The following NIPBL variants were observed in gnomAD, a reference collection of about 807,000 sequenced individuals.
NIPBL encodes nipped-B-like protein.
A neutral mutation model predicts 321.8 loss-of-function variants in NIPBL; 19 were observed. The observed-to-expected ratio is 0.06, with a 90% CI of 0.04 to 0.09. The LOEUF (loss-of-function observed/expected upper bound fraction) is 0.09, where lower values mean the gene tolerates loss of function less well. Ranked by LOEUF, NIPBL falls within the 10% of genes least tolerant of loss-of-function variation. The probability of loss-of-function intolerance (pLI) is 1.00; values close to 1 mark genes in which losing one functional copy is unlikely to be tolerated. For missense variants in NIPBL, 2,210 were observed against 3,327.0 expected (o/e 0.66, Z 8.26); for synonymous variants, 1,106 against 1,114.1 (o/e 0.99, Z 0.14).
intron 1 of NIPBL, among the ~76,000 whole-genome samples, chr5:36,877,745 ATTCT>A (rs1335580985): frequency 1.3e-5 from 2 of 152,220 alleles, no homozygotes; most frequent in African/African-American, 4.8e-5. Flanking sequence ...TCCAGTGGTA[ATTCT>A]TTCTCTTTCT....
chr5:37,019,144 T>C (rs552193666), intron 24 of NIPBL, among the ~76,000 whole-genome samples, 167 bp from the exon 25 acceptor site: 17 of 152,288 alleles, frequency 1.1e-4, no homozygotes, highest in African/African-American at 3.4e-4. Flanking sequence ...GCTATCAATA[T>C]ATAATATTTT....
intron 1 of NIPBL, among the ~76,000 whole-genome samples, chr5:36,906,400 T>C (rs1561371030): frequency 6.6e-6 from 1 of 152,200 alleles, no homozygotes; most frequent in Middle Eastern, 3.2e-3. Context: ...TTGTGTTAAG[T>C]ATAATCTTGG....
chr5:37,042,315 G>A (rs912017599), intron 34 of NIPBL, among the ~76,000 whole-genome samples: 2 of 151,380 alleles, frequency 1.3e-5, no homozygotes, highest in Non-Finnish European at 1.5e-5. Context: ...CGCACCTATA[G>A]TCCCAGCTCC....
chr5:36,947,745 C>T (rs1405879734), intron 1 of NIPBL, among the ~76,000 whole-genome samples: 4 of 151,758 alleles, frequency 2.6e-5, no homozygotes, highest in African/African-American at 4.8e-5. Context: ...ATATTCTAAT[C>T]ATAATAAAAG....
At chr5:36,900,258 C>T (rs1397160643) in intron 1 of NIPBL, among the ~76,000 whole-genome samples, 2 of 152,060 alleles carry the variant, frequency 1.3e-5, no homozygotes, top group African/African-American at 4.8e-5. Flanking sequence ...AACTATGTAG[C>T]ATTTACATTG....
At chr5:36,895,525 T>G (rs1263176113) in intron 1 of NIPBL, among the ~76,000 whole-genome samples, 7 of 152,244 alleles carry the variant, frequency 4.6e-5, no homozygotes, top group Non-Finnish European at 8.8e-5. Flanking sequence ...TGTTTAACTC[T>G]GAGGAACTGT....
Position 37,064,997 on chromosome 5 carries a change from T to A in NIPBL, c.*105T>A. 2 of 1,372,980 alleles carry A rather than the reference T, an allele frequency of 1.5e-6. No homozygotes were observed. Among genetic ancestry groups the A allele is most frequent in the Non-Finnish European group, 2.0e-6 (2 of 978,744 alleles). The allele number at this position is 1,372,980 out of a possible 1,614,324, so 85.0% of individuals were successfully genotyped here. On this transcript the variant is annotated 3_prime_UTR_variant, in exon 47 of 47. Transcript: ENST00000282516. ...AAAAATCAGTTTTATGAAGAGTAAG[T>A]GGAACCTGGGATGCAGGAACAAAAG...
At chr5:36,931,347 T>C (rs1050812397) in intron 1 of NIPBL, among the ~76,000 whole-genome samples, 7 of 152,234 alleles carry the variant, frequency 4.6e-5, no homozygotes, top group Admixed American at 1.3e-4. Flanking sequence ...AAAAGGAGTC[T>C]CACTCTGTCA....
chr5:36,918,529 C>G (rs1364388321), intron 1 of NIPBL, among the ~76,000 whole-genome samples: 2 of 152,014 alleles, frequency 1.3e-5, no homozygotes, highest in African/African-American at 4.8e-5. Context: ...TTTCTCCTGC[C>G]TGATTGCCCT....
chr5:37,019,157 G>A (rs767405074), intron 24 of NIPBL, among the ~76,000 whole-genome samples, 154 bp from the exon 25 acceptor site: 4 of 151,932 alleles, frequency 2.6e-5, no homozygotes, highest in South Asian at 2.1e-4. Flanking sequence ...AATATTTTTC[G>A]GAAATAATAT....
At chr5:36,902,089 G>GT (rs536348253) in intron 1 of NIPBL, among the ~76,000 whole-genome samples, 91 of 146,668 alleles carry the variant, frequency 6.2e-4, no homozygotes, top group East Asian at 2.0e-3. Flanking sequence ...TCCTTTGCCC[G>GT]TTTTTTTTTT....
chr5:36,935,087 T>C (rs917060562), intron 1 of NIPBL, among the ~76,000 whole-genome samples: 2 of 152,154 alleles, frequency 1.3e-5, no homozygotes, highest in Non-Finnish European at 2.9e-5. Flanking sequence ...CCTCTCTGTT[T>C]TGGCAAAACC....
At chr5:37,024,802 A>G (rs533982605) in intron 30 of NIPBL, 83 bp downstream of exon 30, 6 of 1,061,076 alleles carry the variant, frequency 5.7e-6, no homozygotes, top group South Asian at 1.5e-5. Context: ...TTGATTTTAA[A>G]TATATCCAAA....
At chr5:36,968,403 C>CACAG (rs1742478087) in intron 6 of NIPBL, among the ~76,000 whole-genome samples, 1 of 151,896 alleles carries the variant, frequency 6.6e-6, no homozygotes, top group African/African-American at 2.4e-5. Flanking sequence ...CCCGTGTGTA[C>CACAG]TAAAAATACA....
At chr5:37,026,358 CTG>C in intron 31 of NIPBL, 31 bp downstream of exon 31, 1 of 1,308,868 alleles carries the variant, frequency 7.6e-7, no homozygotes, top group Admixed American at 1.7e-5. Flanking sequence ...GGTGTGGTCA[CTG>C]TTGATCCAGA....
chr5:36,957,168 TATC>T (rs961881485), intron 3 of NIPBL, among the ~76,000 whole-genome samples: 19 of 152,312 alleles, frequency 1.2e-4, no homozygotes, highest in African/African-American at 4.6e-4. Flanking sequence ...TACTTAATTT[TATC>T]ATCATCTCCC....
Position 37,059,132 on chromosome 5 carries a change from A to G in NIPBL, c.7652A>G (p.Gln2551Arg), listed in dbSNP as rs1754398270. Residue 2551 changes from glutamine to arginine, a missense_variant, in exon 44 of 47, where the codon CAA becomes CGA. Around this residue, in one of 14 missense-constraint regions of NIPBL, gnomAD observed 159 missense variants for 319.2 expected, o/e 0.50. Coordinates refer to ENST00000282516, the MANE Select transcript of NIPBL (RefSeq NM_133433.4). ...ATTTTATTACTTCTCATGTTAAAAC[A>G]ACATTTGAAGAATCTTTGTGGATTT... is the stretch of plus-strand genomic sequence containing the variant. ...QGILLLLMLK[Q>R]HLKNLCGFSD... 6.2e-7 allele frequency: 1 copy of G among 1,614,092 alleles called. No homozygotes were observed. Among genetic ancestry groups the G allele is most frequent in the African/African-American group, 1.3e-5 (1 of 74,946 alleles).
intron 11 of NIPBL, among the ~76,000 whole-genome samples, chr5:36,997,166 C>T (rs1335489929): frequency 6.6e-6 from 1 of 151,980 alleles, no homozygotes; most frequent in African/African-American, 2.4e-5. Context: ...ACATGGGGCC[C>T]AGGAACTCAT....
At chr5:37,004,588 G>GT (rs1451050729) in intron 16 of NIPBL, among the ~76,000 whole-genome samples, 2 of 151,886 alleles carry the variant, frequency 1.3e-5, no homozygotes, top group Admixed American at 1.3e-4. Flanking sequence ...AAAATGTTTT[G>GT]TAGAGCCAAG....
Sources: gnomAD v4.1 joint callset for allele counts (sites outside exome capture counted in the v4.1 genomes callset) on GRCh38, gnomAD v4.1.1 for gene constraint, gnomAD v4.1.1 regional missense constraint, MANE v1.5 for transcripts, NCBI Gene and HGNC (gene_info 2026-07-23, HGNC 2026-07-21) for gene names.